The following KIAA1217 variants were observed in gnomAD, a reference collection of about 807,000 sequenced individuals.
KIAA1217 encodes the protein KIAA1217, also known as sickle tail protein homolog.
KIAA1217 carries 88 observed loss-of-function variants against 163.9 expected under a neutral mutation model. That is an observed-to-expected ratio of 0.54 (90% confidence interval 0.45 to 0.64). The LOEUF (loss-of-function observed/expected upper bound fraction) is 0.64, where lower values mean the gene tolerates loss of function less well. Ranked by LOEUF, KIAA1217 falls within the 30% of genes least tolerant of loss-of-function variation. The pLI, the probability that KIAA1217 is intolerant of heterozygous loss-of-function variation, is 0.00. For missense variants in KIAA1217, 2,372 were observed against 2,475.0 expected (o/e 0.96, Z 0.88); for synonymous variants, 903 against 923.1 (o/e 0.98, Z 0.39).
intron 2 of KIAA1217, among the ~76,000 whole-genome samples, chr10:24,024,180 T>G (rs1011799138): frequency 2.0e-5 from 3 of 151,702 alleles, no homozygotes; most frequent in African/African-American, 7.2e-5. Context: ...TCACAAATGT[T>G]AAATATACAA....
intron 2 of KIAA1217, among the ~76,000 whole-genome samples, chr10:24,264,212 T>A (rs1476666776): frequency 2.6e-5 from 4 of 152,184 alleles, no homozygotes; most frequent in Non-Finnish European, 5.9e-5. Context: ...TCTTTCTGTG[T>A]TTTGTGGCAA....
At chr10:24,528,180 C>A in intron 14 of KIAA1217, 61 bp downstream of exon 14, 2 of 1,380,158 alleles carry the variant, frequency 1.4e-6, no homozygotes, top group South Asian at 1.2e-5. Flanking sequence ...AAATACAGTG[C>A]CATCCACGAC....
chr10:24,302,422 G>A (rs771571778), intron 2 of KIAA1217, among the ~76,000 whole-genome samples: 10 of 152,300 alleles, frequency 6.6e-5, no homozygotes, highest in South Asian at 4.1e-4. Context: ...GCTGTCAGGT[G>A]CATCTCTATA....
intron 2 of KIAA1217, among the ~76,000 whole-genome samples, chr10:24,264,632 T>A (rs1245481409): frequency 1.3e-5 from 2 of 152,176 alleles, no homozygotes; most frequent in Non-Finnish European, 2.9e-5. Flanking sequence ...GGGTAAGAAC[T>A]TGTGCTGAAA....
chr10:23,817,994 T>TAC lies in KIAA1217; in HGVS notation c.-321+122761_-321+122762insCA, dbSNP rs1192292634. Among the ~76,000 whole-genome samples the TAC allele has an allele frequency of 1.2e-3, 142 of 116,868 alleles. 2 individuals carry two copies. The highest frequency in any genetic ancestry group is 5.2e-3 in the African/African-American group (130 of 25,196). The allele number at this position is 116,868 out of a possible 152,430, so 76.7% of individuals were successfully genotyped here. A position where few individuals can be genotyped will look rare whatever the true frequency, so the allele number is the denominator to read the frequency against. On this transcript the variant is annotated intron_variant, in intron 1 of 18. Coordinates refer to the KIAA1217 transcript ENST00000376462. ...ATATATATATATATATATATATATA[T>TAC]ATATATATATATATACACACATATA...
rs948959736 is a variant in KIAA1217 at position 24,190,237 on chromosome 10, G to T, written c.-170-29389G>T. On this transcript the variant is annotated intron_variant, in intron 2 of 18. Coordinates refer to the KIAA1217 transcript ENST00000376462. Reference sequence around the variant, plus strand: ...AGGTTGGTCAGAGAATTCCTTTATGGCTGGCTCTTAAACAGAAAGACTGGG... The same window carrying T: ...AGGTTGGTCAGAGAATTCCTTTATGTCTGGCTCTTAAACAGAAAGACTGGG... Among the ~76,000 whole-genome samples, 5 of 151,982 alleles carry T rather than the reference G, an allele frequency of 3.3e-5. No homozygotes were observed. The East Asian group carries it at 7.7e-4, about 24-fold the overall frequency.
chr10:23,895,565 A>G (rs1841645555), intron 1 of KIAA1217, among the ~76,000 whole-genome samples: 1 of 152,178 alleles, frequency 6.6e-6, no homozygotes, highest in South Asian at 2.1e-4. Context: ...TAGTTCAGCC[A>G]TTGTGGAAGT....
chr10:23,717,173 G>T (rs1239111770), intron 1 of KIAA1217, among the ~76,000 whole-genome samples: 1 of 151,966 alleles, frequency 6.6e-6, no homozygotes, highest in Non-Finnish European at 1.5e-5. Context: ...TCATCTCTAG[G>T]TTTCCGTGAA....
intron 5 of KIAA1217, among the ~76,000 whole-genome samples, chr10:24,460,372 G>C (rs11014099): frequency 0.13 from 19,810 of 152,186 alleles, 1,428 homozygotes; most frequent in Non-Finnish European, 0.16. Flanking sequence ...TTGAATAAAA[G>C]TTCACAGTGA....
intron 8 of KIAA1217, among the ~76,000 whole-genome samples, chr10:24,501,092 A>T (rs1554908848): frequency 1.5e-5 from 2 of 136,330 alleles, no homozygotes; most frequent in African/African-American, 2.9e-5. Flanking sequence ...TAAAATAAAA[A>T]AAAAATAAAC....
In KIAA1217 at chr10:24,495,335, A is replaced by G. The variant is rs185988063; in HGVS notation, c.1834+139A>G. On this transcript the variant is annotated intron_variant, in intron 8 of 20. Transcript: ENST00000376454. ...GGGATTCCTAGATATTCCTGCCAAT[A>G]CTGAAATTCCAGATTTATTCATTAA... The G allele has an allele frequency of 1.6e-5, 10 of 638,450 alleles. No homozygotes were observed. In the East Asian group the frequency reaches 2.7e-4, roughly 17 times the overall value. 39.5% of individuals were successfully genotyped at this position (638,450 alleles called of 1,614,324 possible). A position where few individuals can be genotyped will look rare whatever the true frequency, so the allele number is the denominator to read the frequency against.
chr10:24,330,549 G>A (rs1167536742), intron 2 of KIAA1217, among the ~76,000 whole-genome samples: 1 of 152,120 alleles, frequency 6.6e-6, no homozygotes, highest in Non-Finnish European at 1.5e-5. Context: ...ATAGACCTTG[G>A]AGGTATCAGG....
At chr10:24,284,019 C>T (rs1420385181) in intron 2 of KIAA1217, among the ~76,000 whole-genome samples, 1 of 151,932 alleles carries the variant, frequency 6.6e-6, no homozygotes, top group Non-Finnish European at 1.5e-5. Flanking sequence ...AAGCAATTCT[C>T]CTGCCTCAGC....
At chr10:24,300,883 G>A (rs2041241624) in intron 2 of KIAA1217, among the ~76,000 whole-genome samples, 4 of 152,070 alleles carry the variant, frequency 2.6e-5, no homozygotes, top group African/African-American at 9.7e-5. Context: ...TGTTATCTTG[G>A]CTCACTGCAA....
intron 16 of KIAA1217, among the ~76,000 whole-genome samples, chr10:24,536,159 C>T (rs2073977414): frequency 6.6e-6 from 1 of 152,172 alleles, no homozygotes; most frequent in African/African-American, 2.4e-5. Flanking sequence ...CAACAGTTGG[C>T]TCTTATAGTT....
At chr10:24,321,742 G>A (rs750891742) in intron 2 of KIAA1217, among the ~76,000 whole-genome samples, 1 of 152,114 alleles carries the variant, frequency 6.6e-6, no homozygotes. Flanking sequence ...AAAGTAGAAT[G>A]GTGATTGCCA....
intron 6 of KIAA1217, among the ~76,000 whole-genome samples, chr10:24,475,302 T>C (rs905055422): frequency 6.6e-6 from 1 of 152,212 alleles, no homozygotes; most frequent in Admixed American, 6.5e-5. Context: ...TAAAAAATGT[T>C]AATATCACTT....
intron 2 of KIAA1217, among the ~76,000 whole-genome samples, chr10:24,245,394 G>GTCTGATGC (rs1188237034): frequency 2.0e-5 from 3 of 152,182 alleles, no homozygotes; most frequent in African/African-American, 7.2e-5. Context: ...CCATCAGAGA[G>GTCTGATGC]AGGCTTCTGT....
intron 1 of KIAA1217, among the ~76,000 whole-genome samples, chr10:23,824,886 T>G (rs1056807479): frequency 2.0e-5 from 3 of 152,052 alleles, no homozygotes; most frequent in African/African-American, 4.8e-5. Flanking sequence ...AGTGGCATCC[T>G]TTTCACTCTC....
Sources: allele counts gnomAD v4.1 joint callset (sites outside exome capture counted in the v4.1 genomes callset), GRCh38; gene constraint gnomAD v4.1.1; transcripts MANE v1.5; gene names NCBI Gene and HGNC (gene_info 2026-07-23, HGNC 2026-07-21).